SF1: variants seen among roughly 807,000 people sequenced by gnomAD.
The protein encoded by SF1 is branch point-binding protein.
Under a neutral mutation model 62.5 loss-of-function variants are expected in SF1, and 7 were observed. That is an observed-to-expected ratio of 0.11 (90% CI 0.06 to 0.21). The LOEUF (loss-of-function observed/expected upper bound fraction) is 0.21. Ranked by LOEUF, SF1 falls within the 10% of genes least tolerant of loss-of-function variation. The pLI is 1.00. For synonymous variants in SF1, 394 were observed against 323.6 expected (o/e 1.22, Z -2.33); for missense variants, 578 against 884.0 (o/e 0.65, Z 4.39).
Position 64,765,429 on chromosome 11 carries a change from T to G in SF1, c.*389A>C, listed in dbSNP as rs1565548414. ...GAACCATCCTGTCCACCAGGGGCGTTGCTGAGGCTGTCTGCCTGGAAGGGT... is the reference window on the plus strand; with the variant it reads ...GAACCATCCTGTCCACCAGGGGCGTGGCTGAGGCTGTCTGCCTGGAAGGGT... On this transcript the variant is annotated 3_prime_UTR_variant, in exon 13 of 13. Transcript: ENST00000377390. 1 of 1,564,814 alleles carries G rather than the reference T, an allele frequency of 6.4e-7. No homozygotes were observed. Among genetic ancestry groups the G allele is most frequent in the Non-Finnish European group, 8.8e-7 (1 of 1,135,446 alleles).
intron 3 of SF1, chr11:64,771,710 T>G: frequency 3.0e-6 from 3 of 985,430 alleles, no homozygotes; most frequent in Non-Finnish European, 3.6e-6. Context: ...TAGACTACCA[T>G]CTTATACATT....
intron 3 of SF1, chr11:64,773,169 G>T: frequency 1.5e-6 from 2 of 1,303,786 alleles, no homozygotes; most frequent in South Asian, 1.7e-5. Flanking sequence ...ATCAGGTTAA[G>T]ATCTACATGC....
intron 1 of SF1, 126 bp downstream of exon 1, chr11:64,778,236 C>A: frequency 8.4e-7 from 1 of 1,193,870 alleles, no homozygotes; most frequent in African/African-American, 1.6e-5. Context: ...ATCGAGCCCA[C>A]GGGCGGGGGC....
chr11:64,768,122 T>TTGGCGG lies in SF1; in HGVS notation c.1046_1051dup (p.Ala350_Asn351insThrAla). ...CAGGCTCACCGGTGGAGGTGGGTTGTTGGCGGGAGCAGCAGGACGAGGTGC... is the reference window on the plus strand; with the variant it reads ...CAGGCTCACCGGTGGAGGTGGGTTGTTGGCGGTGGCGGGAGCAGCAGGACGAGGTGC... On this transcript the variant is annotated inframe_insertion, in exon 9 of 13. Coordinates refer to ENST00000377390, the MANE Select transcript of SF1 (RefSeq NM_004630.4). The TTGGCGG allele has an allele frequency of 6.2e-7, 1 of 1,610,834 alleles. No homozygotes were observed. Among genetic ancestry groups the TTGGCGG allele is most frequent in the South Asian group, 1.1e-5 (1 of 90,710 alleles).
chr11:64,765,317 G>A lies in SF1; in HGVS notation c.*501C>T, dbSNP rs957944318. 1.7e-5 allele frequency: 11 copies of A among 665,396 alleles called. No homozygotes were observed. The highest frequency in any genetic ancestry group is 1.2e-4 in the Admixed American group (5 of 40,838). 41.2% of individuals were successfully genotyped at this position (665,396 alleles called of 1,614,324 possible). A position where few individuals can be genotyped will look rare whatever the true frequency, so the allele number is the denominator to read the frequency against. On this transcript the variant is annotated 3_prime_UTR_variant, in exon 13 of 13. Transcript: ENST00000377390. Reference sequence around the variant, plus strand: ...AGGAAAAGATAAAGAAGTAACAAAGGAAAAAGAAAAAAATTAATAAAAATT... The same window carrying A: ...AGGAAAAGATAAAGAAGTAACAAAGAAAAAAGAAAAAAATTAATAAAAATT...
chr11:64,774,592 C>T (rs1938852098), intron 2 of SF1, among the ~76,000 whole-genome samples: 1 of 152,172 alleles, frequency 6.6e-6, no homozygotes, highest in Admixed American at 6.6e-5. Context: ...TTCCTTCTAA[C>T]TTTAAATACA....
chr11:64,776,036 T>TC (rs1939175834), intron 2 of SF1: 1 of 14,192 alleles, frequency 7.0e-5, no homozygotes, highest in Non-Finnish European at 2.5e-4. Flanking sequence ...TTTTGTCATT[T>TC]TTTTTTTTTC....
chr11:64,769,828 G>C (rs1592477926), intron 5 of SF1, 136 bp downstream of exon 5: 1 of 765,698 alleles, frequency 1.3e-6, no homozygotes, highest in East Asian at 2.6e-5. Flanking sequence ...CTCACAGAAA[G>C]GCATTAATTC....
At chr11:64,777,639 C>T (rs1229215176) in intron 1 of SF1, 6 of 985,688 alleles carry the variant, frequency 6.1e-6, no homozygotes, top group Admixed American at 1.2e-4. Context: ...GCATTCACAG[C>T]TAGCACCCCG....
At position 64,769,409 on chromosome 11, in the gene SF1, C is replaced by T. The variant is rs757834421; in HGVS notation, c.663+17G>A. On this transcript the variant is annotated intron_variant, in intron 6 of 12. Coordinates refer to ENST00000377390, the MANE Select transcript of SF1 (RefSeq NM_004630.4). ...AGGTTTCTGCTAGGAGGCTTCCTTTCTGGGCTCACCGCTCACCTGTTCCAC... is the reference window on the plus strand; with the variant it reads ...AGGTTTCTGCTAGGAGGCTTCCTTTTTGGGCTCACCGCTCACCTGTTCCAC... 1 of 1,613,790 alleles carries T rather than the reference C, an allele frequency of 6.2e-7. No individual in the cohort carries two copies. The highest frequency in any genetic ancestry group is 1.7e-5 in the Admixed American group (1 of 59,990).
chr11:64,771,390 G>T, intron 3 of SF1: 1 of 874,752 alleles, frequency 1.1e-6, no homozygotes, highest in Non-Finnish European at 1.4e-6. Context: ...TTTAGTAGCA[G>T]CTGCAAGAAG....
rs895259980 is a variant in SF1, at chr11:64,771,850, T to C, written c.237-1442A>G. 1.4e-5 allele frequency: 14 copies of C among 985,198 alleles called. 1 individual carries two copies. In the African/African-American group the frequency reaches 2.4e-4, roughly 17 times the overall value. The allele number at this position is 985,198 out of a possible 1,614,324, so 61.0% of individuals were successfully genotyped here. A position where few individuals can be genotyped will look rare whatever the true frequency, so the allele number is the denominator to read the frequency against. ...ATCTTAATTAAGAAAACCCATGCAT[T>C]TCCCTCCAACCTGGGCTCAAAAGCA... is the stretch of plus-strand genomic sequence containing the variant. On this transcript the variant is annotated intron_variant, in intron 3 of 12. Coordinates refer to ENST00000377390, the MANE Select transcript of SF1 (RefSeq NM_004630.4).
At chr11:64,768,044 C>G in intron 9 of SF1, 62 bp downstream of exon 9, 1 of 1,536,434 alleles carries the variant, frequency 6.5e-7, no homozygotes, top group Non-Finnish European at 8.8e-7. Flanking sequence ...GTGGCCATAG[C>G]TCCCAGTCTC....
At chr11:64,776,872 A>C (rs1164520104) in intron 1 of SF1, among the ~76,000 whole-genome samples, 1 of 152,134 alleles carries the variant, frequency 6.6e-6, no homozygotes, top group Non-Finnish European at 1.5e-5. Flanking sequence ...GTCTAGAAAA[A>C]CTGTCAGATA....
intron 2 of SF1, among the ~76,000 whole-genome samples, chr11:64,773,876 AATACCCGACTCCC>A (rs1412622955): frequency 1.3e-5 from 2 of 152,214 alleles, no homozygotes; most frequent in African/African-American, 4.8e-5. Context: ...TTACGTCACC[AATACCCGACTCCC>A]ATCAAATTAC....
chr11:64,773,175 CA>C, intron 3 of SF1: 1 of 1,318,282 alleles, frequency 7.6e-7, no homozygotes, highest in Admixed American at 3.8e-5. Context: ...TTAAGATCTA[CA>C]TGCTTACCAA....
intron 8 of SF1, among the ~76,000 whole-genome samples, chr11:64,768,631 A>G (rs1158647958): frequency 1.3e-5 from 2 of 152,268 alleles, no homozygotes; most frequent in African/African-American, 4.8e-5. Flanking sequence ...CAACTGCCAG[A>G]ACGAACTTCC....
rs975517046 is a variant in SF1, at chr11:64,764,840, G to C, written c.*978C>G. On this transcript the variant is annotated 3_prime_UTR_variant, in exon 13 of 13. Coordinates refer to ENST00000377390, the MANE Select transcript of SF1 (RefSeq NM_004630.4). ...ACACTGCAAAACATTCAGACATTTG[G>C]GATTAAAACAAAACATAAAAGGAAG... 2.0e-5 allele frequency: 3 copies of C among 152,392 alleles called. No homozygotes were observed. Among genetic ancestry groups the C allele is most frequent in the African/African-American group, 7.2e-5 (3 of 41,434 alleles). The allele number at this position is 152,392 out of a possible 1,614,324, so 9.4% of individuals were successfully genotyped here.
At chr11:64,773,247 TTCC>T (rs769130842) in intron 3 of SF1, 180 bp downstream of exon 3, 20 of 1,407,088 alleles carry the variant, frequency 1.4e-5, no homozygotes, top group Non-Finnish European at 1.8e-5. Flanking sequence ...TTAAGTTTTA[TTCC>T]AATTTTCTAA....
Sources: allele counts gnomAD v4.1 joint callset (sites outside exome capture counted in the v4.1 genomes callset), GRCh38; gene constraint gnomAD v4.1.1; transcripts MANE v1.5; gene names NCBI Gene and HGNC (gene_info 2026-07-23, HGNC 2026-07-21).